The following SPATA16 variants were observed in gnomAD, a reference collection of about 807,000 sequenced individuals.
The protein encoded by SPATA16 is spermatogenesis-associated protein 16.
Under a neutral mutation model 63.3 loss-of-function variants are expected in SPATA16, and 36 were observed. That is an observed-to-expected ratio of 0.57 (90% CI 0.44 to 0.75). The LOEUF (loss-of-function observed/expected upper bound fraction) is 0.75, where lower values mean the gene tolerates loss of function less well. Ranked by LOEUF, SPATA16 falls within the 30% of genes least tolerant of loss-of-function variation. The probability of loss-of-function intolerance (pLI) is 0.00; values close to 1 mark genes in which losing one functional copy is unlikely to be tolerated. For synonymous variants in SPATA16, 203 were observed against 216.7 expected (o/e 0.94, Z 0.56); for missense variants, 646 against 679.3 (o/e 0.95, Z 0.54).
At chr3:173,129,445 A>G (rs1460158587) in intron 1 of SPATA16, among the ~76,000 whole-genome samples, 1 of 152,186 alleles carries the variant, frequency 6.6e-6, no homozygotes, top group Non-Finnish European at 1.5e-5. Context: ...TGACAAAATA[A>G]CATGTGTTAA....
intron 6 of SPATA16, among the ~76,000 whole-genome samples, chr3:172,949,872 A>G (rs1025229858): frequency 4.6e-5 from 7 of 152,080 alleles, no homozygotes; most frequent in South Asian, 2.1e-4. Flanking sequence ...AGGAAAGGAG[A>G]TTGAGGGAAG....
chr3:173,106,329 A>G (rs1432230868), intron 2 of SPATA16, among the ~76,000 whole-genome samples: 1 of 152,042 alleles, frequency 6.6e-6, no homozygotes, highest in Non-Finnish European at 1.5e-5. Flanking sequence ...TTCTCTTTAT[A>G]TTCTCTCATA....
intron 3 of SPATA16, among the ~76,000 whole-genome samples, chr3:173,041,957 A>T (rs115996819): frequency 0.022 from 3,391 of 151,890 alleles, 125 homozygotes; most frequent in African/African-American, 0.078. Context: ...GTATAAAAAT[A>T]AAAAAAAGAA....
chr3:173,049,317 T>C (rs180707933), intron 2 of SPATA16, among the ~76,000 whole-genome samples: 1 of 144,254 alleles, frequency 6.9e-6, no homozygotes, highest in African/African-American at 2.9e-5. Context: ...CACTATTAAG[T>C]GAGTGACTGT....
chr3:173,096,604 AGTGGATAAGCT>A (rs1180041153), intron 2 of SPATA16, among the ~76,000 whole-genome samples: 1 of 152,122 alleles, frequency 6.6e-6, no homozygotes, highest in South Asian at 2.1e-4. Context: ...GAAAGAATAA[AGTGGATAAGCT>A]GGTGAGAATA....
Position 173,117,613 on chromosome 3 carries a change from A to C in SPATA16, c.119T>G (p.Ile40Ser). Residue 40 changes from isoleucine (I) to serine (S), a missense_variant, in exon 2 of 11, where the codon ATC becomes AGC. Transcript: ENST00000351008. ...CTTAATCTCTTGTGACATTTCCAGG[A>C]TGTTAGGTGGGTGCGCTAAGGTGGA... ...KMSTLAHPPN[I>S]LEMSQEIKKN... The C allele has an allele frequency of 6.2e-7, 1 of 1,613,716 alleles. No individual in the cohort carries two copies. The highest frequency in any genetic ancestry group is 8.5e-7 in the Non-Finnish European group (1 of 1,179,814).
intron 1 of SPATA16, among the ~76,000 whole-genome samples, chr3:173,136,611 T>G (rs536238550): frequency 6.6e-6 from 1 of 152,342 alleles, no homozygotes; most frequent in East Asian, 1.9e-4. Flanking sequence ...TCATTCTAAC[T>G]AGTTTTTCAT....
chr3:173,041,590 A>T (rs1015687049), intron 3 of SPATA16, among the ~76,000 whole-genome samples: 5 of 152,152 alleles, frequency 3.3e-5, no homozygotes, highest in African/African-American at 7.2e-5. Context: ...TAACAACACT[A>T]ATACTTAGTA....
At chr3:172,964,114 C>T (rs1247046568) in intron 5 of SPATA16, among the ~76,000 whole-genome samples, 1 of 152,138 alleles carries the variant, frequency 6.6e-6, no homozygotes, top group Non-Finnish European at 1.5e-5. Context: ...GAATATTCAT[C>T]ACTCACACCT....
rs1002253019 is a variant in SPATA16, at chr3:173,000,089, T to G, written c.848+19397A>C. Among the ~76,000 whole-genome samples the G allele has an allele frequency of 2.4e-4, 37 of 152,172 alleles. 1 individual carries two copies. The highest frequency in any genetic ancestry group is 5.9e-4 in the Admixed American group (9 of 15,274). On this transcript the variant is annotated intron_variant, in intron 4 of 10. Coordinates refer to ENST00000351008, the MANE Select transcript of SPATA16 (RefSeq NM_031955.6). ...AGAGGTGGGCCTTTTGGGAAATGAT[T>G]AAGTCATGAGGGCTTCACGCTCCAG...
chr3:172,917,046 C>G (rs923683258), intron 8 of SPATA16, among the ~76,000 whole-genome samples: 1 of 152,122 alleles, frequency 6.6e-6, no homozygotes, highest in Non-Finnish European at 1.5e-5. Context: ...ACTAGCTTCC[C>G]TCTGTCTACT....
At chr3:173,030,104 A>G (rs1329669345) in intron 3 of SPATA16, among the ~76,000 whole-genome samples, 7 of 148,406 alleles carry the variant, frequency 4.7e-5, no homozygotes, top group South Asian at 2.1e-4. Context: ...CTATCTATCT[A>G]CCCACCCACC....
chr3:172,923,227 A>G (rs1287835049), intron 8 of SPATA16, among the ~76,000 whole-genome samples: 4 of 152,246 alleles, frequency 2.6e-5, no homozygotes, highest in Non-Finnish European at 5.9e-5. Flanking sequence ...ATAGAAATAT[A>G]GAGGAGATAA....
chr3:172,970,764 C>A (rs947592790), intron 5 of SPATA16, among the ~76,000 whole-genome samples: 7 of 152,134 alleles, frequency 4.6e-5, no homozygotes, highest in Admixed American at 2.0e-4. Flanking sequence ...AAATTTTTCA[C>A]ATGGAAGCAA....
chr3:173,043,027 A>G (rs1006018744), intron 3 of SPATA16, among the ~76,000 whole-genome samples: 10 of 152,124 alleles, frequency 6.6e-5, no homozygotes, highest in Admixed American at 2.0e-4. Context: ...TGTATAGTGT[A>G]TCATTTTTCA....
chr3:172,889,620 G>GAGC lies in SPATA16; in HGVS notation c.1657_1659dup (p.Ala553dup). On this transcript the variant is annotated inframe_insertion, in exon 11 of 11. Coordinates refer to ENST00000351008, the MANE Select transcript of SPATA16 (RefSeq NM_031955.6). ...CGCTTCATTTTTGTTTTTTGCCTTC[G>GAGC]AGCAGTTCTCAGTTTTTTAGTTTTT... 6.2e-7 allele frequency: 1 copy of GAGC among 1,613,706 alleles called. No individual in the cohort carries two copies. Among genetic ancestry groups the GAGC allele is most frequent in the Non-Finnish European group, 8.5e-7 (1 of 1,179,844 alleles).
chr3:173,089,240 C>CT (rs138106956), intron 2 of SPATA16, among the ~76,000 whole-genome samples: 5,573 of 152,234 alleles, frequency 0.037, 347 homozygotes, highest in African/African-American at 0.13. Context: ...TAATAATTCT[C>CT]TCTGGTTGTG....
chr3:172,930,553 CTTTTTTTTTTTTTTT>C (rs34780432), intron 6 of SPATA16, among the ~76,000 whole-genome samples: 5 of 87,366 alleles, frequency 5.7e-5, no homozygotes, highest in African/African-American at 2.2e-4. Context: ...CATTCAAACT[CTTTTTTTTTTTTTTT>C]TTTTTTTTGA....
intron 10 of SPATA16, among the ~76,000 whole-genome samples, chr3:172,896,601 T>C (rs953220176): frequency 6.6e-6 from 1 of 152,252 alleles, no homozygotes; most frequent in Non-Finnish European, 1.5e-5. Flanking sequence ...CTCTGTGTCC[T>C]TACCAGCATT....
Sources: allele counts gnomAD v4.1 joint callset (sites outside exome capture counted in the v4.1 genomes callset), GRCh38; gene constraint gnomAD v4.1.1; transcripts MANE v1.5; gene names NCBI Gene and HGNC (gene_info 2026-07-23, HGNC 2026-07-21).